The following CDH13 variants were observed in gnomAD, a reference collection of about 807,000 sequenced individuals.
The protein encoded by CDH13 is cadherin-13.
Under a neutral mutation model 63.8 loss-of-function variants are expected in CDH13, and 24 were observed. The ratio of observed to expected loss-of-function variants is 0.38; its 90% confidence interval spans 0.27 to 0.53. The LOEUF (loss-of-function observed/expected upper bound fraction) is 0.53. CDH13 is among the 20% of genes least tolerant of loss of function. CDH13 has a pLI of 0.85. For missense variants in CDH13, 1,049 were observed against 903.1 expected (o/e 1.16, Z -2.07); for synonymous variants, 503 against 355.3 (o/e 1.42, Z -4.67).
intron 8 of CDH13, among the ~76,000 whole-genome samples, chr16:83,637,464 G>A (rs1297953034): frequency 5.1e-5 from 4 of 78,300 alleles, no homozygotes; most frequent in Non-Finnish European, 9.9e-5. Flanking sequence ...TGCCTCACCT[G>A]GGAAGCGCAA....
At chr16:82,658,635 T>A (rs1911573866) in intron 1 of CDH13, among the ~76,000 whole-genome samples, 1 of 152,178 alleles carries the variant, frequency 6.6e-6, no homozygotes. Context: ...TGTCAAATAG[T>A]ACTGATCTCC....
rs149863209 is a variant in CDH13, at chr16:83,050,351, C to G, written c.366+18133C>G. Among the ~76,000 whole-genome samples, 284 of 152,256 alleles carry G rather than the reference C, an allele frequency of 1.9e-3. 3 individuals are homozygous for G. In the Middle Eastern group the frequency reaches 0.024, roughly 13 times the overall value. The stretch of plus-strand genomic sequence containing the variant: ...GCTCATATGATAATTCTATATTCAA[C>G]TCTTTGAGAAGTCACCCAACTGTCT... On this transcript the variant is annotated intron_variant, in intron 3 of 13. Coordinates refer to ENST00000567109, the MANE Select transcript of CDH13 (RefSeq NM_001257.5).
intron 3 of CDH13, among the ~76,000 whole-genome samples, chr16:83,105,033 G>C (rs1337350773): frequency 1.3e-5 from 2 of 151,886 alleles, no homozygotes; most frequent in Non-Finnish European, 2.9e-5. Flanking sequence ...AAGTTCCGGG[G>C]TACACGCACA....
At chr16:83,153,341 C>T (rs531029197) in intron 4 of CDH13, among the ~76,000 whole-genome samples, 15 of 152,056 alleles carry the variant, frequency 9.9e-5, no homozygotes, top group African/African-American at 2.9e-4. Context: ...CCAGTTGATC[C>T]ATCAAATGCA....
chr16:83,702,704 A>G (rs1318507940), intron 10 of CDH13, among the ~76,000 whole-genome samples: 4 of 152,134 alleles, frequency 2.6e-5, no homozygotes, highest in Non-Finnish European at 5.9e-5. Context: ...TCTCTTATCC[A>G]GTGTTAGCTC....
intron 10 of CDH13, among the ~76,000 whole-genome samples, chr16:83,695,834 C>T (rs1037924174): frequency 1.3e-5 from 2 of 151,760 alleles, no homozygotes; most frequent in African/African-American, 4.8e-5. Flanking sequence ...GAAGGGAGGT[C>T]GAACCTTTCG....
At chr16:82,926,460 C>G (rs1260598823) in intron 2 of CDH13, among the ~76,000 whole-genome samples, 1 of 152,200 alleles carries the variant, frequency 6.6e-6, no homozygotes. Context: ...CAATTCTCAG[C>G]CTGTCCAGAT....
At chr16:83,559,686 G>A (rs1275394612) in intron 7 of CDH13, among the ~76,000 whole-genome samples, 1 of 152,096 alleles carries the variant, frequency 6.6e-6, no homozygotes, top group Non-Finnish European at 1.5e-5. Flanking sequence ...CCCTGAGGTA[G>A]GCACCTTAAT....
At chr16:83,383,677 G>T (rs555857059) in intron 6 of CDH13, among the ~76,000 whole-genome samples, 1 of 152,096 alleles carries the variant, frequency 6.6e-6, no homozygotes, top group African/African-American at 2.4e-5. Flanking sequence ...TGCTTAAATT[G>T]TGTCATATTT....
chr16:83,541,133 T>G (rs1567749895), intron 7 of CDH13, among the ~76,000 whole-genome samples: 1 of 152,104 alleles, frequency 6.6e-6, no homozygotes, highest in African/African-American at 2.4e-5. Flanking sequence ...ACCTCCAGCC[T>G]CTGGCCTACA....
intron 3 of CDH13, among the ~76,000 whole-genome samples, chr16:83,112,592 C>T (rs1365916684): frequency 6.6e-6 from 1 of 152,074 alleles, no homozygotes; most frequent in East Asian, 1.9e-4. Flanking sequence ...GTGGTTACTT[C>T]CTTTTTGTTA....
At chr16:83,486,689 A>G (rs1265470483) in intron 7 of CDH13, 34 bp downstream of exon 7, 12 of 1,600,178 alleles carry the variant, frequency 7.5e-6, no homozygotes, top group Non-Finnish European at 1.0e-5. Flanking sequence ...CTTTTTCACG[A>G]GAATAGAATG....
At chr16:82,717,099 C>T (rs1015217726) in intron 1 of CDH13, among the ~76,000 whole-genome samples, 1 of 152,062 alleles carries the variant, frequency 6.6e-6, no homozygotes. Context: ...TGCCCAGGTG[C>T]ACTTCATAAC....
intron 2 of CDH13, among the ~76,000 whole-genome samples, chr16:82,885,028 T>C (rs2040834037): frequency 6.6e-6 from 1 of 152,208 alleles, no homozygotes; most frequent in Admixed American, 6.5e-5. Flanking sequence ...GGCTACTTTG[T>C]GTTTTGGCTG....
At chr16:83,102,141 A>T (rs533449873) in intron 3 of CDH13, among the ~76,000 whole-genome samples, 2 of 152,310 alleles carry the variant, frequency 1.3e-5, no homozygotes, top group East Asian at 3.9e-4. Context: ...GAATGCAGGC[A>T]GCCTTTAACA....
intron 2 of CDH13, among the ~76,000 whole-genome samples, chr16:83,031,290 T>C (rs1233874334): frequency 1.4e-5 from 2 of 142,980 alleles, no homozygotes; most frequent in African/African-American, 5.2e-5. Flanking sequence ...ACCATATACA[T>C]GCGCATGTAT....
intron 5 of CDH13, among the ~76,000 whole-genome samples, chr16:83,297,881 T>C (rs2089639291): frequency 1.3e-5 from 2 of 151,900 alleles, no homozygotes; most frequent in African/African-American, 2.4e-5. Context: ...AGGAATGATG[T>C]TTCTCTACTC....
chr16:83,083,728 C>G (rs1374537830), intron 3 of CDH13, among the ~76,000 whole-genome samples: 1 of 152,162 alleles, frequency 6.6e-6, no homozygotes, highest in Non-Finnish European at 1.5e-5. Flanking sequence ...GATGAAATTT[C>G]CACTCCCTCA....
intron 6 of CDH13, among the ~76,000 whole-genome samples, chr16:83,402,649 A>G (rs988447553): frequency 1.3e-5 from 2 of 152,196 alleles, no homozygotes; most frequent in East Asian, 1.9e-4. Context: ...TTGATAATAT[A>G]TGCCTTGTAA....
Sources: gnomAD v4.1 joint callset for allele counts (sites outside exome capture counted in the v4.1 genomes callset) on GRCh38, gnomAD v4.1.1 for gene constraint, MANE v1.5 for transcripts, NCBI Gene and HGNC (gene_info 2026-07-23, HGNC 2026-07-21) for gene names.